Variants in AADAC observed in about 807,000 individuals in gnomAD.
The protein encoded by AADAC is arylacetamide deacetylase, also known as arylacetamide deacetylase (esterase).
In AADAC, 17 loss-of-function variants were observed where a neutral mutation model predicts 22.7. That is an observed-to-expected ratio of 0.75 (90% CI 0.51 to 1.12). The LOEUF (loss-of-function observed/expected upper bound fraction) is 1.12, where lower values mean the gene tolerates loss of function less well. Ranked by LOEUF, AADAC falls within the 50% of genes most tolerant of loss-of-function variation. The probability of loss-of-function intolerance (pLI) is 0.00; values close to 1 mark genes in which losing one functional copy is unlikely to be tolerated. For missense variants in AADAC, 465 were observed against 473.9 expected, an observed-to-expected ratio of 0.98 and a Z score of 0.17; for synonymous variants, 167 against 176.3, an observed-to-expected ratio of 0.95 and a Z score of 0.42.
At position 151,817,506 on chromosome 3, in the gene AADAC, A is replaced by T; in HGVS notation, c.279A>T (p.Val93=). The T allele has an allele frequency of 6.2e-7, 1 of 1,613,850 alleles. No homozygotes were observed. The highest frequency in any genetic ancestry group is 1.1e-5 in the South Asian group (1 of 91,080). ...ETKFNNILVR[V]YVPKRKSEAL... ...AATTCAACAACATTCTTGTTCGGGT[A>T]TATGTGCCAAAGAGAAAGTCTGAAG... Residue 93 remains valine, a synonymous_variant, in exon 2 of 5, where the codon GTA becomes GTT. Coordinates refer to ENST00000232892, the MANE Select transcript of AADAC (RefSeq NM_001086.3).
intron 3 of AADAC, among the ~76,000 whole-genome samples, chr3:151,823,934 A>G (rs1303427220): frequency 2.0e-5 from 3 of 152,038 alleles, no homozygotes; most frequent in Non-Finnish European, 4.4e-5. Context: ...AAGAACATTT[A>G]ATATGTGATC....
Position 151,828,268 on chromosome 3 carries a change from G to T in AADAC, c.*96G>T. The T allele has an allele frequency of 1.5e-6, 1 of 657,016 alleles. No homozygotes were observed. The allele number at this position is 657,016 out of a possible 1,614,324, so 40.7% of individuals were successfully genotyped here. A position where few individuals can be genotyped will look rare whatever the true frequency, so the allele number is the denominator to read the frequency against. ...GTCTTTCTTAGAATGGTCTAGTTAA[G>T]TTCCACATGTAGCATAATTCTTAAA... On this transcript the variant is annotated 3_prime_UTR_variant, in exon 5 of 5. Transcript: ENST00000232892.
chr3:151,817,764 T>G (rs16863681), intron 2 of AADAC, among the ~76,000 whole-genome samples, 176 bp downstream of exon 2: 21,991 of 152,066 alleles, frequency 0.14, 2,174 homozygotes, highest in South Asian at 0.24. Context: ...CTTTTCCACA[T>G]ATGCATTTCC....
intron 1 of AADAC, among the ~76,000 whole-genome samples, chr3:151,816,039 T>G (rs1715976290): frequency 6.6e-6 from 1 of 152,088 alleles, no homozygotes; most frequent in African/African-American, 2.4e-5. Flanking sequence ...TCCTCATATC[T>G]GACATGGATA....
chr3:151,825,408 AT>A (rs1322632291), intron 4 of AADAC, among the ~76,000 whole-genome samples: 20 of 151,970 alleles, frequency 1.3e-4, no homozygotes, highest in African/African-American at 4.1e-4. Context: ...AGCATAAAAA[AT>A]AAAATAATAT....
intron 1 of AADAC, among the ~76,000 whole-genome samples, chr3:151,816,849 A>G (rs1427703116): frequency 6.6e-6 from 1 of 151,980 alleles, no homozygotes; most frequent in Non-Finnish European, 1.5e-5. Context: ...GGAAGGAGAG[A>G]AGAGGAGACA....
intron 3 of AADAC, among the ~76,000 whole-genome samples, chr3:151,822,725 T>C (rs1357901814): frequency 6.6e-6 from 1 of 151,928 alleles, no homozygotes. Context: ...TGCCTATGAT[T>C]GGGTTTGGAG....
At chr3:151,818,302 G>A (rs1716088280) in intron 2 of AADAC, among the ~76,000 whole-genome samples, 1 of 151,728 alleles carries the variant, frequency 6.6e-6, no homozygotes, top group South Asian at 2.1e-4. Context: ...CATTCTAATG[G>A]AGACAATCTT....
At chr3:151,826,677 A>G (rs1002691228) in intron 4 of AADAC, among the ~76,000 whole-genome samples, 13 of 151,826 alleles carry the variant, frequency 8.6e-5, no homozygotes, top group African/African-American at 3.1e-4. Context: ...TTTCATTCTT[A>G]TAAGTCTCCT....
Position 151,817,590 on chromosome 3 carries a change from T to A in AADAC, c.361+2T>A. On this transcript the variant is annotated splice_donor_variant, in intron 2 of 4. Coordinates refer to ENST00000232892, the MANE Select transcript of AADAC (RefSeq NM_001086.3). LOFTEE classifies it high-confidence loss of function. Reference sequence around the variant, plus strand: ...GAGGCTGGTGCGTGGGAAGTGCTGGTAAGTGAATGCTTTGAAAAATCTCTG... The same window carrying A: ...GAGGCTGGTGCGTGGGAAGTGCTGGAAAGTGAATGCTTTGAAAAATCTCTG... 6.2e-7 allele frequency: 1 copy of A among 1,611,990 alleles called. No individual in the cohort carries two copies. Among genetic ancestry groups the A allele is most frequent in the Non-Finnish European group, 8.5e-7 (1 of 1,178,430 alleles).
chr3:151,821,198 C>A (rs76841323), intron 3 of AADAC, among the ~76,000 whole-genome samples: 1 of 151,654 alleles, frequency 6.6e-6, no homozygotes, highest in Admixed American at 6.6e-5. Context: ...CAGAGTCCAG[C>A]GTATATAGCA....
chr3:151,815,936 C>G (rs564404499), intron 1 of AADAC, among the ~76,000 whole-genome samples: 1 of 152,040 alleles, frequency 6.6e-6, no homozygotes, highest in East Asian at 1.9e-4. Context: ...AACATTACAT[C>G]AAGAATCAAA....
Position 151,820,403 on chromosome 3 carries a change from C to G in AADAC, c.382C>G (p.Leu128Val). The change falls in exon 3 of 5, where the codon CTG becomes GTG. Residue 128 changes from leucine (L) to valine (V), a missense_variant. By Grantham distance (32) the Leu-to-Val change is conservative. Transcript: ENST00000232892. ...TTCAGCTCTAAGTGGTTATGACTTG[C>G]TGTCAAGATGGACAGCAGACAGACT... ...GSAALSGYDL[L>V]SRWTADRLDA... The G allele has an allele frequency of 6.3e-7, 1 of 1,585,238 alleles. No individual in the cohort carries two copies. Among genetic ancestry groups the G allele is most frequent in the African/African-American group, 1.3e-5 (1 of 74,328 alleles).
chr3:151,824,217 G>A (rs1716370173), intron 3 of AADAC, among the ~76,000 whole-genome samples: 1 of 152,052 alleles, frequency 6.6e-6, no homozygotes, highest in African/African-American at 2.4e-5. Context: ...ACATGTTAAT[G>A]GGTAAATGAT....
intron 2 of AADAC, among the ~76,000 whole-genome samples, chr3:151,819,258 A>G (rs547333736): frequency 2.0e-5 from 3 of 152,124 alleles, no homozygotes; most frequent in Admixed American, 2.0e-4. Flanking sequence ...CAGAAAATGA[A>G]AAGAAAGCCG....
Position 151,817,453 on chromosome 3 carries a change from G to T in AADAC, c.226G>T (p.Asp76Tyr). ...GSFDEVPPTSDENVTVTETKF... is the reference protein window; with the variant it reads ...GSFDEVPPTSYENVTVTETKF... ...CTTTGATGAAGTCCCACCAACCTCA[G>T]ATGAAAATGTCACTGTGACTGAGAC... The change falls in exon 2 of 5, where the codon GAT (aspartate) becomes TAT (tyrosine). Residue 76 changes from aspartate to tyrosine, a missense_variant. Physicochemically the swap from Asp to Tyr is radical, Grantham distance 160. Coordinates refer to ENST00000232892, the MANE Select transcript of AADAC (RefSeq NM_001086.3). 1.2e-6 allele frequency: 2 copies of T among 1,613,754 alleles called. No homozygotes were observed. The highest frequency in any genetic ancestry group is 1.7e-6 in the Non-Finnish European group (2 of 1,179,730).
At chr3:151,816,258 G>T (rs1370892214) in intron 1 of AADAC, among the ~76,000 whole-genome samples, 2 of 151,886 alleles carry the variant, frequency 1.3e-5, no homozygotes, top group African/African-American at 4.8e-5. Flanking sequence ...ACACCTCACT[G>T]CACCTCCCTA....
chr3:151,818,720 A>G (rs1716106357), intron 2 of AADAC, among the ~76,000 whole-genome samples: 1 of 152,162 alleles, frequency 6.6e-6, no homozygotes, highest in Non-Finnish European at 1.5e-5. Context: ...CCTTTAAAAT[A>G]TGCAAAGAGG....
intron 3 of AADAC, among the ~76,000 whole-genome samples, chr3:151,824,197 T>C (rs1180814643): frequency 8.6e-5 from 13 of 151,998 alleles, no homozygotes. Flanking sequence ...TTATTTCACT[T>C]AGCCCATCAA....
Sources: allele counts gnomAD v4.1 joint callset (sites outside exome capture counted in the v4.1 genomes callset), GRCh38; gene constraint gnomAD v4.1.1; transcripts MANE v1.5; gene names NCBI Gene and HGNC (gene_info 2026-07-23, HGNC 2026-07-21).